DMD: variants seen among roughly 807,000 people sequenced by gnomAD.
DMD encodes the protein dystrophin, also known as mutant dystrophin.
In DMD, 63 loss-of-function variants were observed where a neutral mutation model predicts 330.1. The ratio of observed to expected loss-of-function variants is 0.19; its 90% confidence interval spans 0.16 to 0.24. DMD has a LOEUF of 0.24. Ranked by LOEUF, DMD falls within the 10% of genes least tolerant of loss-of-function variation. DMD has a pLI of 1.00. For missense variants in DMD, 3,344 were observed against 2,684.1 expected, an observed-to-expected ratio of 1.25 and a Z score of -5.43; for synonymous variants, 1,223 against 959.8, an observed-to-expected ratio of 1.27 and a Z score of -5.07.
chrX:31,908,596 T>C (rs184916267), intron 47 of DMD, among the ~76,000 whole-genome samples: 230 of 109,477 alleles, frequency 2.1e-3, no homozygotes, highest in Non-Finnish European at 3.1e-3. Context: ...AGGGATAGCA[T>C]TAGGAGAAAT....
At chrX:32,863,408 T>A (rs571542257) in intron 2 of DMD, among the ~76,000 whole-genome samples, 1 of 106,285 alleles carries the variant, frequency 9.4e-6, no homozygotes, top group African/African-American at 3.6e-5. Flanking sequence ...TCCCAGCTAC[T>A]TGGGAGGCTA....
At chrX:32,523,416 C>T (rs2046627947) in intron 17 of DMD, among the ~76,000 whole-genome samples, 1 of 112,082 alleles carries the variant, frequency 8.9e-6, no homozygotes. Context: ...ATTTTGCCCA[C>T]CTTTCTCTCT....
chrX:32,320,668 T>C (rs909966733), intron 41 of DMD, among the ~76,000 whole-genome samples: 3 of 112,041 alleles, frequency 2.7e-5, no homozygotes, highest in Non-Finnish European at 5.7e-5. Context: ...GTCTAGTACT[T>C]AATGTGGTTA....
chrX:32,261,023 G>GA (rs202049639), intron 43 of DMD, among the ~76,000 whole-genome samples: 1,430 of 111,724 alleles, frequency 0.013, 26 homozygotes, highest in African/African-American at 0.044. Context: ...CAGGGGACAC[G>GA]TGGGACACAT....
chrX:31,462,420 C>G (rs1363754378), intron 59 of DMD, among the ~76,000 whole-genome samples: 1 of 111,500 alleles, frequency 9.0e-6, no homozygotes, highest in Non-Finnish European at 1.9e-5. Flanking sequence ...GCGGAGGTTG[C>G]AGTGAGCTGA....
intron 29 of DMD, among the ~76,000 whole-genome samples, chrX:32,425,705 C>G (rs1423187725): frequency 9.0e-6 from 1 of 111,293 alleles, no homozygotes; most frequent in African/African-American, 3.3e-5. Context: ...AGAAATACAG[C>G]TAGTGGAGGC....
chrX:32,938,445 T>C (rs1023354355), intron 2 of DMD, among the ~76,000 whole-genome samples: 1 of 111,355 alleles, frequency 9.0e-6, no homozygotes, highest in Middle Eastern at 4.7e-3. Context: ...TTATACTCTG[T>C]CCCTGATAAA....
chrX:31,918,549 G>A (rs1329169983), intron 47 of DMD, among the ~76,000 whole-genome samples: 2 of 111,867 alleles, frequency 1.8e-5, no homozygotes, highest in South Asian at 3.7e-4. Context: ...TCCTTCACCC[G>A]AAGTAGAAAT....
chrX:33,107,876 G>C (rs1378521171), intron 1 of DMD, among the ~76,000 whole-genome samples: 1 of 110,513 alleles, frequency 9.0e-6, no homozygotes, highest in Non-Finnish European at 1.9e-5. Context: ...TTTTATCTAG[G>C]AATATTTTTC....
At chrX:32,805,347 C>G (rs2076874627) in intron 7 of DMD, among the ~76,000 whole-genome samples, 1 of 111,201 alleles carries the variant, frequency 9.0e-6, no homozygotes, top group South Asian at 3.8e-4. Context: ...ATCGATCCAG[C>G]AGAAGAAAAG....
chrX:32,795,543 C>T (rs1441630156), intron 7 of DMD, among the ~76,000 whole-genome samples: 2 of 111,575 alleles, frequency 1.8e-5, no homozygotes, highest in African/African-American at 6.5e-5. Flanking sequence ...ACAGACAGGA[C>T]CTTGGTCTAG....
intron 2 of DMD, among the ~76,000 whole-genome samples, chrX:32,878,264 G>A (rs1450697255): frequency 9.0e-6 from 1 of 110,721 alleles, no homozygotes; most frequent in East Asian, 2.9e-4. Flanking sequence ...TGTAGTCCCA[G>A]CTACTCGGGA....
intron 43 of DMD, among the ~76,000 whole-genome samples, chrX:32,252,743 TAA>T (rs1569553643): frequency 2.6e-5 from 1 of 37,914 alleles, no homozygotes; most frequent in Non-Finnish European, 4.1e-5. Flanking sequence ...AATATATATA[TAA>T]ATATATATAA....
At chrX:31,308,730 G>T (rs1348822752) in intron 62 of DMD, among the ~76,000 whole-genome samples, 1 of 109,708 alleles carries the variant, frequency 9.1e-6, no homozygotes, top group Admixed American at 9.8e-5. Context: ...TTTTGTGTGT[G>T]ATTTTTTTTT....
chrX:31,574,153 T>G (rs1423099713), intron 55 of DMD, among the ~76,000 whole-genome samples: 16 of 100,339 alleles, frequency 1.6e-4, no homozygotes, highest in African/African-American at 4.8e-4. Context: ...TTTGTTTTTT[T>G]TTTTTTTTGA....
At chrX:31,852,937 G>A (rs1295360804) in intron 48 of DMD, among the ~76,000 whole-genome samples, 1 of 112,446 alleles carries the variant, frequency 8.9e-6, no homozygotes, top group Non-Finnish European at 1.9e-5. Context: ...AGGCTGGAGT[G>A]CAGTGGCATG....
intron 48 of DMD, among the ~76,000 whole-genome samples, chrX:31,868,529 A>T (rs1438356734): frequency 1.8e-5 from 2 of 112,096 alleles, no homozygotes; most frequent in East Asian, 5.6e-4. Flanking sequence ...TTTGACTGGA[A>T]TGTCATATTT....
intron 53 of DMD, among the ~76,000 whole-genome samples, chrX:31,665,112 TTTCTG>T (rs1265071396): frequency 6.3e-5 from 7 of 111,590 alleles, no homozygotes; most frequent in Non-Finnish European, 1.1e-4. Context: ...AAAATGCAGG[TTTCTG>T]GACTCTCAAT....
chrX:31,220,871 T>C (rs2045933959), intron 64 of DMD, among the ~76,000 whole-genome samples: 1 of 68,178 alleles, frequency 1.5e-5, no homozygotes, highest in African/African-American at 6.2e-5. Flanking sequence ...TAAACTTTCC[T>C]AAAACATTTT....
Sources: gnomAD v4.1 joint callset for allele counts (sites outside exome capture counted in the v4.1 genomes callset) on GRCh38, gnomAD v4.1.1 for gene constraint, MANE v1.5 for transcripts, NCBI Gene and HGNC (gene_info 2026-07-23, HGNC 2026-07-21) for gene names.